SNX2: variants seen among roughly 807,000 people sequenced by gnomAD.
SNX2 encodes the protein sorting nexin-2.
In SNX2, 25 loss-of-function variants were observed where a neutral mutation model predicts 69.9. The ratio of observed to expected loss-of-function variants is 0.36; its 90% CI spans 0.26 to 0.50. The LOEUF is 0.50. Among genes scored for constraint, SNX2 ranks in the 20% least tolerant of loss-of-function variants. SNX2 has a pLI of 0.97. For synonymous variants in SNX2, 229 were observed against 200.4 expected (o/e 1.14, Z -1.20); for missense variants, 551 against 613.3 (o/e 0.90, Z 1.07).
chr5:122,789,474 G>GACACACACACAC (rs60199625), intron 1 of SNX2, among the ~76,000 whole-genome samples: 80 of 144,708 alleles, frequency 5.5e-4, no homozygotes, highest in East Asian at 4.1e-3. Context: ...GACACACACG[G>GACACACACACAC]ACACACACAC....
intron 7 of SNX2, among the ~76,000 whole-genome samples, chr5:122,811,751 C>G (rs906735109): frequency 6.6e-6 from 1 of 151,922 alleles, no homozygotes; most frequent in Non-Finnish European, 1.5e-5. Flanking sequence ...GGCTTGAACC[C>G]AGGAGGCAGA....
intron 3 of SNX2, 62 bp downstream of exon 3, chr5:122,799,917 C>A: frequency 7.8e-7 from 1 of 1,278,108 alleles, no homozygotes; most frequent in Non-Finnish European, 1.1e-6. Context: ...CACCCAACAT[C>A]ACTCTGCTGT....
intron 11 of SNX2, among the ~76,000 whole-genome samples, chr5:122,821,747 G>A (rs1212281365): frequency 1.3e-5 from 2 of 152,024 alleles, no homozygotes; most frequent in African/African-American, 2.4e-5. Context: ...GAGCCATTGC[G>A]CCTGGCCGGT....
At chr5:122,806,134 A>ATG (rs142218645) in intron 6 of SNX2, among the ~76,000 whole-genome samples, 71,911 of 117,652 alleles carry the variant, frequency 0.61, 20,141 homozygotes, top group East Asian at 0.68. Flanking sequence ...ATATATACAC[A>ATG]CGCGCGCGCA....
intron 1 of SNX2, among the ~76,000 whole-genome samples, chr5:122,791,655 G>C (rs1166524266): frequency 6.6e-6 from 1 of 152,230 alleles, no homozygotes; most frequent in African/African-American, 2.4e-5. Context: ...GACCTCAGGT[G>C]ATCTGCCTGC....
At chr5:122,795,034 G>GA (rs555153529) in intron 1 of SNX2, among the ~76,000 whole-genome samples, 12 of 151,308 alleles carry the variant, frequency 7.9e-5, no homozygotes, top group Admixed American at 2.0e-4. Flanking sequence ...AAAATAAAAA[G>GA]AAAAAAAAGG....
At chr5:122,775,390 G>A in intron 1 of SNX2, 179 bp downstream of exon 1, 1 of 1,312,760 alleles carries the variant, frequency 7.6e-7, no homozygotes, top group Non-Finnish European at 9.7e-7. Context: ...TGAGCGCAGG[G>A]CCTCCTCAGG....
intron 11 of SNX2, among the ~76,000 whole-genome samples, chr5:122,822,509 T>G (rs1303241170): frequency 2.0e-5 from 3 of 152,232 alleles, no homozygotes; most frequent in Non-Finnish European, 4.4e-5. Context: ...AGCGTACTTT[T>G]CTGATGATAG....
intron 8 of SNX2, 29 bp downstream of exon 8, chr5:122,816,000 A>G: frequency 2.4e-6 from 3 of 1,256,222 alleles, no homozygotes; most frequent in South Asian, 1.3e-5. Flanking sequence ...ATGTTTGTAT[A>G]TGAATGTTCT....
chr5:122,789,122 T>G (rs1352243074), intron 1 of SNX2, among the ~76,000 whole-genome samples: 3 of 152,214 alleles, frequency 2.0e-5, no homozygotes, highest in Non-Finnish European at 4.4e-5. Context: ...GATTCCAAAT[T>G]TCTGTTTTGC....
intron 11 of SNX2, 54 bp from the exon 12 acceptor site, chr5:122,825,996 G>A: frequency 6.5e-7 from 1 of 1,528,634 alleles, no homozygotes; most frequent in Non-Finnish European, 8.9e-7. Flanking sequence ...CTAGTGTTAA[G>A]AAAGTATTTT....
At chr5:122,793,411 A>G (rs1753289491) in intron 1 of SNX2, among the ~76,000 whole-genome samples, 1 of 152,300 alleles carries the variant, frequency 6.6e-6, no homozygotes, top group East Asian at 1.9e-4. Flanking sequence ...AAGAGCAAAA[A>G]TAGGAATAAT....
At chr5:122,783,380 C>G (rs1242208729) in intron 1 of SNX2, among the ~76,000 whole-genome samples, 2 of 152,096 alleles carry the variant, frequency 1.3e-5, no homozygotes, top group East Asian at 1.9e-4. Flanking sequence ...CCTTTGCTAA[C>G]TTTAACCCAT....
chr5:122,787,286 A>G (rs971821078), intron 1 of SNX2, among the ~76,000 whole-genome samples: 8 of 152,140 alleles, frequency 5.3e-5, no homozygotes, highest in African/African-American at 1.7e-4. Context: ...TTGGGAGGCC[A>G]AAGCAGGTGG....
intron 1 of SNX2, among the ~76,000 whole-genome samples, chr5:122,789,753 C>T (rs1340487702): frequency 6.6e-6 from 1 of 152,196 alleles, no homozygotes; most frequent in Admixed American, 6.5e-5. Flanking sequence ...TACCATTGCA[C>T]AGGTCTGTGA....
chr5:122,806,094 A>G (rs990233948), intron 6 of SNX2, among the ~76,000 whole-genome samples: 21 of 124,792 alleles, frequency 1.7e-4, no homozygotes, highest in African/African-American at 4.8e-4. Flanking sequence ...TAAAACTTTT[A>G]TGTGTGTGTG....
intron 8 of SNX2, among the ~76,000 whole-genome samples, chr5:122,816,430 T>G (rs1432170927): frequency 6.6e-6 from 1 of 152,196 alleles, no homozygotes; most frequent in Non-Finnish European, 1.5e-5. Flanking sequence ...TGGTATATTT[T>G]TGGCTCCTAA....
intron 1 of SNX2, among the ~76,000 whole-genome samples, chr5:122,777,126 C>T (rs1185909032): frequency 6.6e-6 from 1 of 152,054 alleles, no homozygotes; most frequent in Non-Finnish European, 1.5e-5. Context: ...TCTTTCAGTA[C>T]TTCACTTTTC....
intron 5 of SNX2, 23 bp downstream of exon 5, chr5:122,802,147 A>G (rs759213078): frequency 6.2e-7 from 1 of 1,602,152 alleles, no homozygotes; most frequent in Non-Finnish European, 8.6e-7. Flanking sequence ...TGCTTTTAAA[A>G]AAACTATCGA....
Sources: gnomAD v4.1 joint callset for allele counts (sites outside exome capture counted in the v4.1 genomes callset) on GRCh38, gnomAD v4.1.1 for gene constraint, MANE v1.5 for transcripts, NCBI Gene and HGNC (gene_info 2026-07-23, HGNC 2026-07-21) for gene names.